WDR75: variants seen among roughly 807,000 people sequenced by gnomAD.
The protein encoded by WDR75 is WD repeat domain 75.
In WDR75, 52 loss-of-function variants were observed where a neutral mutation model predicts 106.1. The ratio of observed to expected loss-of-function variants is 0.49; its 90% CI spans 0.39 to 0.62. WDR75 has a LOEUF of 0.62. WDR75 is among the 20% of genes least tolerant of loss of function. The probability of loss-of-function intolerance (pLI) is 0.00; values close to 1 mark genes in which losing one functional copy is unlikely to be tolerated. For missense variants in WDR75, 905 were observed against 970.3 expected (o/e 0.93, Z 0.89); for synonymous variants, 333 against 335.5 (o/e 0.99, Z 0.08).
At chr2:189,454,872 T>C (rs570506316) in intron 4 of WDR75, among the ~76,000 whole-genome samples, 4 of 152,216 alleles carry the variant, frequency 2.6e-5, no homozygotes, top group Non-Finnish European at 5.9e-5. Flanking sequence ...AAACAAAGAG[T>C]CCACCTTTAA....
At chr2:189,470,970 T>A in intron 18 of WDR75, 92 bp downstream of exon 18, 1 of 985,744 alleles carries the variant, frequency 1.0e-6, no homozygotes, top group Non-Finnish European at 1.4e-6. Context: ...ATATTTCACT[T>A]GGCCCTAAAA....
At position 189,441,549 on chromosome 2, in the gene WDR75, T is replaced by G; in HGVS notation, c.57T>G (p.Phe19Leu). The change falls in exon 1 of 21, where the codon TTT becomes TTG. Residue 19 changes from phenylalanine (F) to leucine (L), a missense_variant. Phe to Leu is a conservative substitution (Grantham distance 22). Transcript: ENST00000314761. ...GTTGTGGCGGCAGCGAGTTGAACTT[T>G]AGGAGAGCTGTGTTCTCTGCAGATT... ...VVRCGGSELN[F>L]RRAVFSADSK... The G allele has an allele frequency of 6.4e-7, 1 of 1,562,644 alleles. No individual in the cohort carries two copies. Among genetic ancestry groups the G allele is most frequent in the Non-Finnish European group, 8.7e-7 (1 of 1,152,384 alleles).
At chr2:189,459,454 C>T in intron 8 of WDR75, 30 bp downstream of exon 8, 1 of 1,565,256 alleles carries the variant, frequency 6.4e-7, no homozygotes, top group Non-Finnish European at 8.8e-7. Flanking sequence ...TTAAAATGAA[C>T]TTTTGAAGAT....
Position 189,441,481 on chromosome 2 carries a change from T to A in WDR75, c.-12T>A. 6.4e-7 allele frequency: 1 copy of A among 1,557,202 alleles called. No individual in the cohort carries two copies. The highest frequency in any genetic ancestry group is 8.7e-7 in the Non-Finnish European group (1 of 1,149,528). ...CGGGACCAGAGATTGGCCATTCCGC[T>A]ACTGCGCAAAGATGGTGGAGGAGGA... On this transcript the variant is annotated 5_prime_UTR_variant, in exon 1 of 21. Coordinates refer to ENST00000314761, the MANE Select transcript of WDR75 (RefSeq NM_032168.3).
Position 189,451,832 on chromosome 2 carries a change from GC to G in WDR75, c.313del (p.Leu105SerfsTer14). On this transcript the variant is annotated frameshift_variant, in exon 4 of 21. Coordinates refer to ENST00000314761, the MANE Select transcript of WDR75 (RefSeq NM_032168.3). LOFTEE classifies it high-confidence loss of function. ...KTFIVGCKLH[A>X]LFTLAQAEDS... Reference sequence around the variant, plus strand: ...TTTCATAGTTGGATGTAAACTTCATGCCCTCTTTACTCTTGCCCAAGCTGAG... The same window carrying G: ...TTTCATAGTTGGATGTAAACTTCATGCCTCTTTACTCTTGCCCAAGCTGAG... 6.2e-7 allele frequency: 1 copy of G among 1,613,728 alleles called. No individual in the cohort carries two copies. The highest frequency in any genetic ancestry group is 8.5e-7 in the Non-Finnish European group (1 of 1,179,896).
chr2:189,472,932 A>G (rs2105575753), intron 18 of WDR75, among the ~76,000 whole-genome samples: 1 of 152,308 alleles, frequency 6.6e-6, no homozygotes, highest in Middle Eastern at 3.4e-3. Flanking sequence ...GAAATATCAT[A>G]AGGAGGCCGG....
intron 1 of WDR75, among the ~76,000 whole-genome samples, chr2:189,441,982 CTGAAGCATAGTGCA>C (rs1686380032): frequency 1.3e-5 from 2 of 152,194 alleles, no homozygotes; most frequent in Non-Finnish European, 2.9e-5. Context: ...CTCCTCACTC[CTGAAGCATAGTGCA>C]TGAAGCATAG....
At chr2:189,469,487 T>C in intron 16 of WDR75, 48 bp downstream of exon 16, 1 of 1,482,328 alleles carries the variant, frequency 6.7e-7, no homozygotes, top group Non-Finnish European at 9.4e-7. Context: ...ATGACCTAAG[T>C]TTTCTTCTTA....
chr2:189,450,012 C>T (rs975822403), intron 2 of WDR75: 1 of 985,284 alleles, frequency 1.0e-6, no homozygotes, highest in Non-Finnish European at 1.2e-6. Flanking sequence ...AAAAGTAAGC[C>T]TATGTGTTAG....
intron 1 of WDR75, among the ~76,000 whole-genome samples, chr2:189,442,924 CTG>C (rs972785164): frequency 2.6e-5 from 4 of 152,310 alleles, no homozygotes; most frequent in African/African-American, 9.6e-5. Context: ...GGCTGTCACA[CTG>C]TGACGCTTCG....
Position 189,468,242 on chromosome 2 carries a change from GCA to G in WDR75, c.1629-230_1629-229del, listed in dbSNP as rs1396458371. 6.6e-5 allele frequency among the ~76,000 whole-genome samples: 10 copies of G among 152,182 alleles called. No homozygotes were observed. In the East Asian group the frequency reaches 1.9e-3, roughly 29 times the overall value. ...TCTGTTAGATGTAAATTGGTATACCGCACAGTGTGTTAAAGAATTGGTCATCC... is the reference window on the plus strand; with the variant it reads ...TCTGTTAGATGTAAATTGGTATACCGCAGTGTGTTAAAGAATTGGTCATCC... On this transcript the variant is annotated intron_variant, in intron 14 of 20. Transcript: ENST00000314761.
chr2:189,462,162 T>A (rs1686903333), intron 8 of WDR75, among the ~76,000 whole-genome samples: 1 of 151,812 alleles, frequency 6.6e-6, no homozygotes, highest in African/African-American at 2.4e-5. Flanking sequence ...ATATATAATA[T>A]TTTTGGTATA....
intron 5 of WDR75, 90 bp from the exon 6 acceptor site, chr2:189,457,221 A>G: frequency 1.2e-6 from 1 of 851,468 alleles, no homozygotes; most frequent in Non-Finnish European, 1.9e-6. Context: ...AGCCTGGGGG[A>G]CAAGAGCGAG....
intron 12 of WDR75, 54 bp downstream of exon 12, chr2:189,465,308 C>T: frequency 6.7e-7 from 1 of 1,490,794 alleles, no homozygotes; most frequent in Non-Finnish European, 9.0e-7. Flanking sequence ...TTTCACTTCC[C>T]ATTTTACAGT....
Position 189,463,864 on chromosome 2 carries a change from G to T in WDR75, c.1016G>T (p.Gly339Val). Reference sequence around the variant, plus strand: ...TCTGCAGATAGGAGTATCTTCACTGGTTTGATGATTGATCCAAGAACTAAA... The same window carrying T: ...TCTGCAGATAGGAGTATCTTCACTGTTTTGATGATTGATCCAAGAACTAAA... ...GLVKDRSIFTGLMIDPRTKAL... is the reference protein window; with the variant it reads ...GLVKDRSIFTVLMIDPRTKAL... The change falls in exon 11 of 21, where the codon GGT becomes GTT. Residue 339 changes from glycine to valine, a missense_variant. Physicochemically the swap from Gly to Val is moderately radical, Grantham distance 109. Coordinates refer to ENST00000314761, the MANE Select transcript of WDR75 (RefSeq NM_032168.3). 15 of 1,613,814 alleles carry T rather than the reference G, an allele frequency of 9.3e-6. No homozygotes were observed. The highest frequency in any genetic ancestry group is 1.3e-5 in the Non-Finnish European group (15 of 1,179,812).
chr2:189,442,654 T>A (rs1255880189), intron 1 of WDR75, among the ~76,000 whole-genome samples: 2 of 152,118 alleles, frequency 1.3e-5, no homozygotes, highest in Non-Finnish European at 2.9e-5. Context: ...TTCGCCATGT[T>A]GGCCAGGCTG....
intron 1 of WDR75, among the ~76,000 whole-genome samples, chr2:189,447,558 T>G (rs1201287457): frequency 6.6e-6 from 1 of 152,212 alleles, no homozygotes; most frequent in Non-Finnish European, 1.5e-5. Context: ...TAATAGTTGA[T>G]AGTGACTAGT....
At chr2:189,457,252 G>GA (rs138257723) in intron 5 of WDR75, 59 bp from the exon 6 acceptor site, 51,121 of 1,023,050 alleles carry the variant, frequency 0.05, 750 homozygotes, top group African/African-American at 0.14. Context: ...AAAAAAAAAA[G>GA]AAAAAAAAAA....
chr2:189,444,678 AT>A (rs1237615123), intron 1 of WDR75, among the ~76,000 whole-genome samples: 1 of 152,030 alleles, frequency 6.6e-6, no homozygotes, highest in African/African-American at 2.4e-5. Context: ...TCTAACTCTT[AT>A]TTCTAGTCTT....
Sources: allele counts gnomAD v4.1 joint callset (sites outside exome capture counted in the v4.1 genomes callset), GRCh38; gene constraint gnomAD v4.1.1; transcripts MANE v1.5; gene names NCBI Gene and HGNC (gene_info 2026-07-23, HGNC 2026-07-21).